CFAP54: variants seen among roughly 807,000 people sequenced by gnomAD.
The protein encoded by CFAP54 is cilia- and flagella-associated protein 54.
In CFAP54, 290 loss-of-function variants were observed where a neutral mutation model predicts 370.4. That is an observed-to-expected ratio of 0.78 (90% CI 0.71 to 0.86). The LOEUF is 0.86. Among genes scored for constraint, CFAP54 ranks in the 40% least tolerant of loss-of-function variants. CFAP54 has a pLI of 0.00. For synonymous variants in CFAP54, 1,206 were observed against 1,236.5 expected, an observed-to-expected ratio of 0.98 and a Z score of 0.52; for missense variants, 3,399 against 3,528.7, an observed-to-expected ratio of 0.96 and a Z score of 0.93.
chr12:96,660,075 G>C (rs930895584), intron 38 of CFAP54, among the ~76,000 whole-genome samples: 1 of 152,226 alleles, frequency 6.6e-6, no homozygotes, highest in Non-Finnish European at 1.5e-5. Flanking sequence ...ACGGACTAGA[G>C]ATGAACTGGG....
At chr12:96,624,595 G>A (rs1415114652) in intron 28 of CFAP54, among the ~76,000 whole-genome samples, 1 of 152,162 alleles carries the variant, frequency 6.6e-6, no homozygotes, top group Non-Finnish European at 1.5e-5. Flanking sequence ...GATTAGTATT[G>A]TCACATTTTT....
chr12:96,843,462 A>G lies in CFAP54; in HGVS notation c.9171+14374A>G, dbSNP rs553811713. On this transcript the variant is annotated intron_variant, in intron 66 of 67. Coordinates refer to ENST00000524981, the MANE Select transcript of CFAP54 (RefSeq NM_001306084.2). ...ATGGAATTTCCCCCTTTTCAGAAATACAGTGAGGATAGAACAAGCTTGCCA... is the reference window on the plus strand; with the variant it reads ...ATGGAATTTCCCCCTTTTCAGAAATGCAGTGAGGATAGAACAAGCTTGCCA... Among the ~76,000 whole-genome samples, 3 of 152,322 alleles carry G rather than the reference A, an allele frequency of 2.0e-5. No homozygotes were observed. In the East Asian group the frequency reaches 5.8e-4, roughly 29 times the overall value.
chr12:96,752,146 A>G (rs1958194170), intron 55 of CFAP54, among the ~76,000 whole-genome samples: 1 of 108,734 alleles, frequency 9.2e-6, no homozygotes, highest in Non-Finnish European at 2.0e-5. Context: ...GAGGCTGTCC[A>G]TCATCCTGCC....
chr12:96,721,541 T>C (rs1957753587), intron 50 of CFAP54, among the ~76,000 whole-genome samples: 1 of 152,194 alleles, frequency 6.6e-6, no homozygotes, highest in Non-Finnish European at 1.5e-5. Flanking sequence ...TATTTAATAA[T>C]ATGGACATCC....
intron 1 of CFAP54, among the ~76,000 whole-genome samples, chr12:96,490,500 T>A (rs1425887970): frequency 6.6e-6 from 1 of 152,156 alleles, no homozygotes; most frequent in Non-Finnish European, 1.5e-5. Flanking sequence ...TGTGAAACCC[T>A]TGAGCGAGCC....
chr12:96,739,032 AG>A (rs1388600706), intron 50 of CFAP54, among the ~76,000 whole-genome samples: 1 of 152,208 alleles, frequency 6.6e-6, no homozygotes, highest in Non-Finnish European at 1.5e-5. Context: ...TTTGAGGTAC[AG>A]GGGGTTAAGA....
intron 55 of CFAP54, among the ~76,000 whole-genome samples, 185 bp from the exon 56 acceptor site, chr12:96,753,557 TA>T (rs1383094814): frequency 3.3e-5 from 5 of 152,214 alleles, no homozygotes; most frequent in African/African-American, 1.2e-4. Context: ...AAAGGGTTAT[TA>T]CTGTAGTTCA....
chr12:96,651,881 A>G (rs1006628006), intron 36 of CFAP54, 66 bp downstream of exon 36: 2 of 978,870 alleles, frequency 2.0e-6, no homozygotes, highest in Non-Finnish European at 3.0e-6. Flanking sequence ...GCATCTTGGT[A>G]TAAGTAGAAA....
chr12:96,619,312 C>T (rs1251852869), intron 26 of CFAP54, among the ~76,000 whole-genome samples: 1 of 152,172 alleles, frequency 6.6e-6, no homozygotes, highest in Non-Finnish European at 1.5e-5. Context: ...CTGGACTAAC[C>T]CTGAATCCCA....
At chr12:96,831,359 A>G (rs985565139) in intron 66 of CFAP54, among the ~76,000 whole-genome samples, 1 of 152,218 alleles carries the variant, frequency 6.6e-6, no homozygotes, top group African/African-American at 2.4e-5. Flanking sequence ...TCAGCAAACT[A>G]CAGCCTATGA....
At chr12:96,536,195 A>G (rs1261930902) in intron 12 of CFAP54, among the ~76,000 whole-genome samples, 4 of 152,168 alleles carry the variant, frequency 2.6e-5, no homozygotes, top group Non-Finnish European at 5.9e-5. Flanking sequence ...ATAAGTGAGA[A>G]TGTGGTGTTT....
chr12:96,849,654 G>C (rs1396988603), intron 66 of CFAP54, among the ~76,000 whole-genome samples: 1 of 152,126 alleles, frequency 6.6e-6, no homozygotes, highest in Non-Finnish European at 1.5e-5. Context: ...ATAAAATAAA[G>C]CATTGGCAAA....
At position 96,723,550 on chromosome 12, in the gene CFAP54, A is replaced by G. The variant is rs116084180; in HGVS notation, c.6965+2985A>G. Among the ~76,000 whole-genome samples, 562 of 152,322 alleles carry G rather than the reference A, an allele frequency of 3.7e-3. 6 individuals are homozygous for G. The highest frequency in any genetic ancestry group is 0.013 in the African/African-American group (529 of 41,574). ...ACCCCTGGATTTAGCATGGAGGCCA[A>G]TGGTGACCTTCACAGGAGTAACTTT... On this transcript the variant is annotated intron_variant, in intron 50 of 67. Coordinates refer to ENST00000524981, the MANE Select transcript of CFAP54 (RefSeq NM_001306084.2).
chr12:96,705,123 A>C (rs1363789603), intron 47 of CFAP54, among the ~76,000 whole-genome samples: 3 of 152,206 alleles, frequency 2.0e-5, no homozygotes, highest in Non-Finnish European at 4.4e-5. Flanking sequence ...GTTGTGGCAC[A>C]ACCATTGTTA....
intron 63 of CFAP54, among the ~76,000 whole-genome samples, chr12:96,808,102 CT>C (rs1275299650): frequency 6.6e-6 from 1 of 152,128 alleles, no homozygotes; most frequent in African/African-American, 2.4e-5. Flanking sequence ...TAGAGTCAGT[CT>C]TTTGCCTTTT....
At chr12:96,827,147 A>G (rs200199005) in intron 65 of CFAP54, among the ~76,000 whole-genome samples, 1,626 of 27,952 alleles carry the variant, frequency 0.058, 32 homozygotes, top group African/African-American at 0.18. Flanking sequence ...ATTATATATA[A>G]TGTGCAATTA....
chr12:96,835,853 C>A (rs538089647), intron 66 of CFAP54, among the ~76,000 whole-genome samples: 4 of 152,290 alleles, frequency 2.6e-5, no homozygotes, highest in Non-Finnish European at 4.4e-5. Context: ...CCCAGCCATG[C>A]CTTCCTGCTG....
intron 26 of CFAP54, among the ~76,000 whole-genome samples, chr12:96,603,901 C>T (rs117241371): frequency 0.016 from 2,392 of 152,216 alleles, 30 homozygotes; most frequent in Non-Finnish European, 0.024. Flanking sequence ...TGGGTTAGAA[C>T]GTGTTCCTTT....
In CFAP54 at chr12:96,576,715, A is replaced by G; in HGVS notation, c.2750A>G (p.His917Arg). The change falls in exon 20 of 68, where the codon CAT becomes CGT. Residue 917 changes from histidine (H) to arginine (R), a missense_variant. Physicochemically the swap from His to Arg is conservative, Grantham distance 29. Around this residue, in one of 3 missense-constraint regions of CFAP54, gnomAD observed 2,796 missense variants for 2,869.7 expected, o/e 0.97. Transcript: ENST00000524981. ...CCACCTATCCTGCTGTCTCGAACTCATTGTTCTGTGACACTCAAACCTGCT... is the reference window on the plus strand; with the variant it reads ...CCACCTATCCTGCTGTCTCGAACTCGTTGTTCTGTGACACTCAAACCTGCT... The part of the protein sequence containing the change: ...PPPPILLSRT[H>R]CSVTLKPAPF... 6 of 1,535,648 alleles carry G rather than the reference A, an allele frequency of 3.9e-6. No individual in the cohort carries two copies. Among genetic ancestry groups the G allele is most frequent in the Middle Eastern group, 3.3e-4 (2 of 5,984 alleles).
Sources: gnomAD v4.1 joint callset for allele counts (sites outside exome capture counted in the v4.1 genomes callset) on GRCh38, gnomAD v4.1.1 for gene constraint, gnomAD v4.1.1 regional missense constraint, MANE v1.5 for transcripts, NCBI Gene and HGNC (gene_info 2026-07-23, HGNC 2026-07-21) for gene names.